STAU2: variants seen among roughly 807,000 people sequenced by gnomAD.
STAU2 encodes the protein staufen double-stranded RNA binding protein 2.
Under a neutral mutation model 65.9 loss-of-function variants are expected in STAU2, and 20 were observed. The observed-to-expected ratio is 0.30, with a 90% CI of 0.21 to 0.44. STAU2 has a LOEUF of 0.44. STAU2 is among the 20% of genes least tolerant of loss of function. The probability of loss-of-function intolerance (pLI) is 1.00; values close to 1 mark genes in which losing one functional copy is unlikely to be tolerated. For missense variants in STAU2, 558 were observed against 683.9 expected, an observed-to-expected ratio of 0.82 and a Z score of 2.05; for synonymous variants, 232 against 233.9, an observed-to-expected ratio of 0.99 and a Z score of 0.07.
At chr8:73,707,423 A>C (rs1464161360) in intron 4 of STAU2, among the ~76,000 whole-genome samples, 2 of 152,212 alleles carry the variant, frequency 1.3e-5, no homozygotes, top group Non-Finnish European at 2.9e-5. Flanking sequence ...GCTGAAGGAC[A>C]GTAGAGAACA....
chr8:73,551,722 T>C (rs1242997558), intron 13 of STAU2: 2 of 1,060,844 alleles, frequency 1.9e-6, no homozygotes, highest in East Asian at 1.3e-4. Context: ...TAGATGCACC[T>C]AATCAAGACC....
At chr8:73,700,334 GAGAA>G (rs756217446) in intron 4 of STAU2, among the ~76,000 whole-genome samples, 8 of 151,850 alleles carry the variant, frequency 5.3e-5, no homozygotes, top group Non-Finnish European at 1.2e-4. Context: ...AATCAGGCAA[GAGAA>G]AGAAAGAAAG....
chr8:73,548,387 AC>A (rs202093219), intron 13 of STAU2, among the ~76,000 whole-genome samples: 2 of 151,402 alleles, frequency 1.3e-5, no homozygotes, highest in African/African-American at 2.4e-5. Context: ...ACCAGCCACC[AC>A]CCCCCCACTT....
chr8:73,449,915 C>CAGG (rs1818710477), intron 13 of STAU2, among the ~76,000 whole-genome samples: 1 of 152,208 alleles, frequency 6.6e-6, no homozygotes, highest in Non-Finnish European at 1.5e-5. Flanking sequence ...CGTTGGGCAC[C>CAGG]TTCTGCAGAC....
chr8:73,608,543 G>C (rs762015661), intron 9 of STAU2, among the ~76,000 whole-genome samples: 2 of 150,618 alleles, frequency 1.3e-5, no homozygotes, highest in African/African-American at 4.9e-5. Flanking sequence ...CCCAGGAGGC[G>C]GAGGTTACAG....
At chr8:73,499,736 T>G (rs1048867158) in intron 13 of STAU2, among the ~76,000 whole-genome samples, 1 of 151,726 alleles carries the variant, frequency 6.6e-6, no homozygotes, top group African/African-American at 2.4e-5. Flanking sequence ...GGTGGAAGAC[T>G]GTGTTAGAAT....
intron 6 of STAU2, among the ~76,000 whole-genome samples, chr8:73,646,938 GACACACACACAC>G (rs142043134): frequency 3.0e-3 from 438 of 144,066 alleles, no homozygotes; most frequent in East Asian, 0.023. Flanking sequence ...CACACAGCCA[GACACACACACAC>G]ACACACACAC....
chr8:73,511,665 T>A (rs927551197), intron 13 of STAU2: 2 of 152,588 alleles, frequency 1.3e-5, no homozygotes, highest in Non-Finnish European at 2.9e-5. Context: ...TTTCCGCCCC[T>A]CCCATGTGGG....
At chr8:73,679,977 C>CTT (rs1563501520) in intron 5 of STAU2, among the ~76,000 whole-genome samples, 16 of 96,972 alleles carry the variant, frequency 1.6e-4, no homozygotes, top group African/African-American at 5.7e-4. Context: ...CTAGGGAAGC[C>CTT]ATTTTTTTTT....
At chr8:73,645,594 G>GT (rs1388338822) in intron 6 of STAU2, among the ~76,000 whole-genome samples, 2 of 152,160 alleles carry the variant, frequency 1.3e-5, no homozygotes, top group African/African-American at 4.8e-5. Context: ...GTGCAATAAG[G>GT]TAAGAAATGA....
At chr8:73,425,819 G>A (rs934778509) in intron 13 of STAU2, among the ~76,000 whole-genome samples, 1 of 151,786 alleles carries the variant, frequency 6.6e-6, no homozygotes, top group African/African-American at 2.4e-5. Context: ...TTGAGATGGA[G>A]TCTTACTCTG....
intron 6 of STAU2, among the ~76,000 whole-genome samples, chr8:73,658,934 C>CAAAAAAAA (rs72251012): frequency 9.3e-5 from 9 of 96,790 alleles, no homozygotes; most frequent in South Asian, 3.1e-4. Flanking sequence ...ACAACAACAA[C>CAAAAAAAA]AAAAACAACA....
At chr8:73,620,660 AATTAT>A (rs1278947699) in intron 6 of STAU2, among the ~76,000 whole-genome samples, 1 of 152,204 alleles carries the variant, frequency 6.6e-6, no homozygotes, top group Non-Finnish European at 1.5e-5. Flanking sequence ...TGTATATATA[AATTAT>A]ATTGTGTAAG....
At chr8:73,450,885 G>A (rs533836487) in intron 13 of STAU2, among the ~76,000 whole-genome samples, 1 of 152,202 alleles carries the variant, frequency 6.6e-6, no homozygotes, top group Non-Finnish European at 1.5e-5. Context: ...TTGCCCTAAA[G>A]GAGACAGTGA....
chr8:73,450,324 T>TTTTTATCTTATGTAG lies in STAU2; in HGVS notation c.1531-27637_1531-27623dup, dbSNP rs1215073710. Among the ~76,000 whole-genome samples the TTTTTATCTTATGTAG allele has an allele frequency of 6.6e-5, 10 of 152,310 alleles. No individual in the cohort carries two copies. In the South Asian group the frequency reaches 1.7e-3, roughly 25 times the overall value. Reference sequence around the variant, plus strand: ...ACATAACTTAGGAAAATTGCACACATTTTTATCTTATGTAGTTTAAAACTA... The same window carrying TTTTTATCTTATGTAG: ...ACATAACTTAGGAAAATTGCACACATTTTTATCTTATGTAGTTTTATCTTATGTAGTTTAAAACTA... On this transcript the variant is annotated intron_variant, in intron 13 of 14. Transcript: ENST00000524300.
chr8:73,676,809 T>C (rs1366250717), intron 5 of STAU2, among the ~76,000 whole-genome samples: 1 of 152,206 alleles, frequency 6.6e-6, no homozygotes, highest in Non-Finnish European at 1.5e-5. Flanking sequence ...TTGGCCAGGC[T>C]GGTCTCAAAC....
At chr8:73,514,156 A>C (rs746757551) in intron 13 of STAU2, among the ~76,000 whole-genome samples, 2 of 151,968 alleles carry the variant, frequency 1.3e-5, no homozygotes, top group Non-Finnish European at 2.9e-5. Context: ...ACTCTTTCAT[A>C]CTCAGCTGGT....
chr8:73,742,341 T>A, intron 1 of STAU2: 1 of 541,338 alleles, frequency 1.8e-6, no homozygotes, highest in Non-Finnish European at 2.4e-6. Context: ...GAGACTAGCC[T>A]GGCGAACACG....
intron 12 of STAU2, among the ~76,000 whole-genome samples, chr8:73,567,248 T>C (rs562325580): frequency 6.6e-6 from 1 of 152,202 alleles, no homozygotes; most frequent in African/African-American, 2.4e-5. Context: ...TGGTTCACGC[T>C]TGTAATCCCA....
Sources: gnomAD v4.1 joint callset for allele counts (sites outside exome capture counted in the v4.1 genomes callset) on GRCh38, gnomAD v4.1.1 for gene constraint, MANE v1.5 for transcripts, NCBI Gene and HGNC (gene_info 2026-07-23, HGNC 2026-07-21) for gene names.